The following QTMAN variants were observed in gnomAD, a reference collection of about 807,000 sequenced individuals.
QTMAN encodes the protein tRNA-queuosine alpha-mannosyltransferase.
chr2:144,261,413 A>G, the QTMAN span, among the ~76,000 whole-genome samples: 3 of 152,228 alleles, frequency 2.0e-5, no homozygotes, highest in Non-Finnish European at 4.4e-5. Flanking sequence ...ATGTATATCA[A>G]TGCATGTCCT....
At chr2:143,956,866 A>C in the QTMAN span, among the ~76,000 whole-genome samples, 4 of 152,242 alleles carry the variant, frequency 2.6e-5, no homozygotes, top group South Asian at 6.2e-4. Flanking sequence ...AAGAATCCAC[A>C]CAGTATGTTC....
the QTMAN span, among the ~76,000 whole-genome samples, chr2:143,961,724 C>T: frequency 1.3e-5 from 2 of 152,046 alleles, no homozygotes; most frequent in Non-Finnish European, 2.9e-5. Flanking sequence ...TTAAGAGTGG[C>T]AATGGATCTT....
At chr2:144,134,063 T>C in the QTMAN span, among the ~76,000 whole-genome samples, 2 of 152,142 alleles carry the variant, frequency 1.3e-5, no homozygotes, top group Non-Finnish European at 2.9e-5. Context: ...GCAGAACTCT[T>C]GATGGCAGAA....
At chr2:144,019,322 T>TG in the QTMAN span, among the ~76,000 whole-genome samples, 1 of 151,994 alleles carries the variant, frequency 6.6e-6, no homozygotes, top group Non-Finnish European at 1.5e-5. Flanking sequence ...AATGAAAAAC[T>TG]GGGAAGGACT....
At chr2:144,259,991 T>A in the QTMAN span, among the ~76,000 whole-genome samples, 1 of 152,290 alleles carries the variant, frequency 6.6e-6, no homozygotes, top group Non-Finnish European at 1.5e-5. Context: ...AAATTTAATA[T>A]AACTAATAAA....
the QTMAN span, among the ~76,000 whole-genome samples, chr2:144,234,326 A>G: frequency 1.3e-5 from 2 of 152,162 alleles, no homozygotes; most frequent in African/African-American, 4.8e-5. Context: ...CTTCAACTAA[A>G]TATACTATCT....
At chr2:144,198,929 A>G in the QTMAN span, among the ~76,000 whole-genome samples, 1 of 152,112 alleles carries the variant, frequency 6.6e-6, no homozygotes, top group Admixed American at 6.5e-5. Context: ...TTTGTTCACA[A>G]TACTTCCTTT....
At chr2:144,061,379 C>T in the QTMAN span, among the ~76,000 whole-genome samples, 19 of 152,174 alleles carry the variant, frequency 1.2e-4, no homozygotes, top group Non-Finnish European at 2.6e-4. Context: ...TCCATTATTG[C>T]ATTTTCTTTG....
At chr2:144,279,382 A>G in the QTMAN span, among the ~76,000 whole-genome samples, 2 of 151,764 alleles carry the variant, frequency 1.3e-5, no homozygotes, top group African/African-American at 4.8e-5. Flanking sequence ...AGAAAAAAAA[A>G]AAAAAAAAAG....
the QTMAN span, among the ~76,000 whole-genome samples, chr2:144,173,131 C>G: frequency 7.6e-4 from 115 of 152,214 alleles, no homozygotes; most frequent in Non-Finnish European, 1.3e-3. Flanking sequence ...GTGCTTAACT[C>G]TGTTCTTCTG....
the QTMAN span, among the ~76,000 whole-genome samples, chr2:144,195,643 T>C: frequency 2.0e-5 from 3 of 152,156 alleles, no homozygotes; most frequent in Non-Finnish European, 4.4e-5. Flanking sequence ...TGTGTACGTA[T>C]GTGCATTTTC....
chr2:143,986,817 T>A, the QTMAN span, among the ~76,000 whole-genome samples: 1 of 152,206 alleles, frequency 6.6e-6, no homozygotes, highest in Non-Finnish European at 1.5e-5. Flanking sequence ...TCTCCTATTC[T>A]TTTGGGACTA....
At chr2:143,946,396 A>T in the QTMAN span, 1 of 152,304 alleles carries the variant, frequency 6.6e-6, no homozygotes, top group African/African-American at 2.4e-5. Context: ...CAGACCTCTT[A>T]TTAATACCTT....
chr2:144,315,855 G>C, the QTMAN span, among the ~76,000 whole-genome samples: 1 of 152,064 alleles, frequency 6.6e-6, no homozygotes, highest in Non-Finnish European at 1.5e-5. Context: ...CCCACACCAA[G>C]GTGCCACAGT....
the QTMAN span, among the ~76,000 whole-genome samples, chr2:144,328,541 T>C: frequency 2.0e-5 from 3 of 152,194 alleles, no homozygotes; most frequent in Non-Finnish European, 4.4e-5. Context: ...TTGTGAGCAA[T>C]GGATGCTCAG....
At chr2:144,008,612 C>T in the QTMAN span, among the ~76,000 whole-genome samples, 1 of 151,896 alleles carries the variant, frequency 6.6e-6, no homozygotes, top group Admixed American at 6.6e-5. Context: ...CTTGGCCTCC[C>T]TGAATTGTTG....
At chr2:143,939,416 G>A in the QTMAN span, 1 of 152,264 alleles carries the variant, frequency 6.6e-6, no homozygotes. Flanking sequence ...TAGCTCCCAA[G>A]TCATTCAAAA....
chr2:143,947,152 G>A, the QTMAN span: 7 of 1,578,888 alleles, frequency 4.4e-6, no homozygotes, highest in Non-Finnish European at 6.1e-6. Flanking sequence ...CGAGGAGGAG[G>A]GAGAGAAGAG....
the QTMAN span, among the ~76,000 whole-genome samples, chr2:144,171,870 C>T: frequency 6.6e-6 from 1 of 152,164 alleles, no homozygotes; most frequent in African/African-American, 2.4e-5. Context: ...TCCTAAAATA[C>T]ACACATGTAC....
Sources: gnomAD v4.1 joint callset for allele counts (sites outside exome capture counted in the v4.1 genomes callset) on GRCh38, gnomAD v4.1.1 for gene constraint, MANE v1.5 for transcripts, NCBI Gene and HGNC (gene_info 2026-07-23, HGNC 2026-07-21) for gene names.